The following CCSER1 variants were observed in gnomAD, a reference collection of about 807,000 sequenced individuals.
The protein encoded by CCSER1 is serine-rich coiled-coil domain-containing protein 1.
A neutral mutation model predicts 82.0 loss-of-function variants in CCSER1; 41 were observed. That is an observed-to-expected ratio of 0.50 (90% CI 0.39 to 0.65). The LOEUF (loss-of-function observed/expected upper bound fraction) is 0.65, where lower values mean the gene tolerates loss of function less well. CCSER1 is among the 30% of genes least tolerant of loss of function. The pLI is 0.00. For synonymous variants in CCSER1, 414 were observed against 383.9 expected, an observed-to-expected ratio of 1.08 and a Z score of -0.92; for missense variants, 1,119 against 1,064.2, an observed-to-expected ratio of 1.05 and a Z score of -0.72.
At chr4:91,187,116 G>A (rs1001906975) in intron 10 of CCSER1, among the ~76,000 whole-genome samples, 5 of 152,174 alleles carry the variant, frequency 3.3e-5, no homozygotes, top group African/African-American at 9.7e-5. Flanking sequence ...CCCAGGTGAG[G>A]TGATGCCCCA....
intron 10 of CCSER1, among the ~76,000 whole-genome samples, chr4:91,296,737 A>G (rs898184619): frequency 2.0e-5 from 3 of 151,172 alleles, no homozygotes; most frequent in African/African-American, 7.3e-5. Context: ...TTTCAATTCA[A>G]TGTATTCTAT....
chr4:90,546,300 A>C (rs1246761238), intron 5 of CCSER1, among the ~76,000 whole-genome samples: 1 of 152,158 alleles, frequency 6.6e-6, no homozygotes, highest in Non-Finnish European at 1.5e-5. Flanking sequence ...ACCACAAAGG[A>C]CTGCCAAATT....
Position 91,274,190 on chromosome 4 carries a change from T to A in CCSER1, c.2217+188196T>A, listed in dbSNP as rs1006279906. ...GATGTGATGACTTTTTAATTTTTTT[T>A]ATTTTTATTGATACATACTATTTTT... is the stretch of plus-strand genomic sequence containing the variant. On this transcript the variant is annotated intron_variant, in intron 10 of 10. Transcript: ENST00000509176. 6.6e-5 allele frequency among the ~76,000 whole-genome samples: 10 copies of A among 152,290 alleles called. No homozygotes were observed. In the South Asian group the frequency reaches 1.9e-3, roughly 28 times the overall value.
intron 1 of CCSER1, among the ~76,000 whole-genome samples, chr4:90,203,962 C>T (rs1738267618): frequency 6.6e-6 from 1 of 151,868 alleles, no homozygotes; most frequent in South Asian, 2.1e-4. Flanking sequence ...GCTTTTTTTC[C>T]TATGTTTGTT....
At chr4:91,353,845 A>G (rs879521556) in intron 10 of CCSER1, among the ~76,000 whole-genome samples, 6 of 152,174 alleles carry the variant, frequency 3.9e-5, no homozygotes, top group African/African-American at 7.2e-5. Context: ...AAATCCTCCT[A>G]TTGCTGGGAA....
chr4:91,411,512 A>G (rs1753039939), intron 10 of CCSER1, among the ~76,000 whole-genome samples: 1 of 70,520 alleles, frequency 1.4e-5, no homozygotes, highest in South Asian at 4.0e-4. Context: ...ATATATATAT[A>G]TATATATATA....
At chr4:90,765,461 A>C (rs1751078137) in intron 7 of CCSER1, among the ~76,000 whole-genome samples, 1 of 152,138 alleles carries the variant, frequency 6.6e-6, no homozygotes, top group Non-Finnish European at 1.5e-5. Flanking sequence ...ATTTTACCCA[A>C]AGCTCCCTCC....
In CCSER1 at chr4:90,907,824, A is replaced by G. The variant is rs557712708; in HGVS notation, c.2095-15546A>G. Reference sequence around the variant, plus strand: ...ACCCTTAGTTCAGATTTCATTTCCAATCTTTCCCTACTTAAATTTATATAT... The same window carrying G: ...ACCCTTAGTTCAGATTTCATTTCCAGTCTTTCCCTACTTAAATTTATATAT... On this transcript the variant is annotated intron_variant, in intron 8 of 10. Coordinates refer to ENST00000509176, the MANE Select transcript of CCSER1 (RefSeq NM_001145065.2). Among the ~76,000 whole-genome samples, 13 of 151,998 alleles carry G rather than the reference A, an allele frequency of 8.6e-5. No individual in the cohort carries two copies. The East Asian group carries it at 1.4e-3, about 16-fold the overall frequency.
intron 5 of CCSER1, among the ~76,000 whole-genome samples, chr4:90,607,574 A>G (rs911284952): frequency 4.6e-5 from 7 of 152,086 alleles, no homozygotes; most frequent in African/African-American, 1.4e-4. Flanking sequence ...TAATTTTCAC[A>G]TGGTGTTCTC....
rs191373150 is a variant in CCSER1, at chr4:90,444,934, A to T, written c.1604-23300A>T. Among the ~76,000 whole-genome samples, 288 of 152,182 alleles carry T rather than the reference A, an allele frequency of 1.9e-3. 2 individuals are homozygous for T. Among genetic ancestry groups the T allele is most frequent in the African/African-American group, 6.6e-3 (276 of 41,560 alleles). On this transcript the variant is annotated intron_variant, in intron 4 of 10. Coordinates refer to ENST00000509176, the MANE Select transcript of CCSER1 (RefSeq NM_001145065.2). ...GAACGCATGACATTTATTATATTGG[A>T]ATCTAATATAACAGTTCCAAAATGG...
chr4:90,617,261 TG>T, intron 5 of CCSER1, among the ~76,000 whole-genome samples: 1 of 152,206 alleles, frequency 6.6e-6, no homozygotes, highest in East Asian at 1.9e-4. Context: ...CCTTTCTAAA[TG>T]GGCAGTTATC....
rs147994724 is a variant in CCSER1, at chr4:90,793,989, C to T, written c.2011-21773C>T. ...TTTTTGAGAAGTGTCTGCTCATGTC[C>T]TTTGTACACTTTTTAATGGGGTTGT... is the stretch of plus-strand genomic sequence containing the variant. On this transcript the variant is annotated intron_variant, in intron 7 of 10. Transcript: ENST00000509176. Among the ~76,000 whole-genome samples the T allele has an allele frequency of 4.7e-4, 71 of 152,226 alleles. 1 individual carries two copies. The East Asian group carries it at 0.012, about 25-fold the overall frequency.
At chr4:90,401,831 T>C (rs574761208) in intron 4 of CCSER1, among the ~76,000 whole-genome samples, 1 of 152,208 alleles carries the variant, frequency 6.6e-6, no homozygotes, top group East Asian at 1.9e-4. Context: ...GGCCACCCGA[T>C]TGTAAGGATG....
At chr4:90,328,257 A>G (rs940690832) in intron 3 of CCSER1, among the ~76,000 whole-genome samples, 12 of 152,204 alleles carry the variant, frequency 7.9e-5, no homozygotes, top group Non-Finnish European at 1.8e-4. Flanking sequence ...GAGAATAGCC[A>G]AAACTCTGAA....
chr4:90,915,193 C>T (rs974157676), intron 8 of CCSER1, among the ~76,000 whole-genome samples: 1 of 152,128 alleles, frequency 6.6e-6, no homozygotes, highest in South Asian at 2.1e-4. Flanking sequence ...GATACCAAAG[C>T]CTGGCAGAGA....
At chr4:91,585,894 G>A (rs986653547) in intron 10 of CCSER1, among the ~76,000 whole-genome samples, 1 of 151,604 alleles carries the variant, frequency 6.6e-6, no homozygotes, top group Non-Finnish European at 1.5e-5. Context: ...CAGTAGGAAG[G>A]TATTGAAAGA....
intron 8 of CCSER1, 80 bp from the exon 9 acceptor site, chr4:90,923,290 A>G: frequency 1.0e-6 from 1 of 997,384 alleles, no homozygotes; most frequent in East Asian, 2.6e-5. Context: ...ACACTAATCA[A>G]ATTTTAATAA....
chr4:90,312,573 G>T (rs549849430), intron 2 of CCSER1, among the ~76,000 whole-genome samples: 1 of 152,194 alleles, frequency 6.6e-6, no homozygotes, highest in African/African-American at 2.4e-5. Context: ...GGTCTTAGAA[G>T]GAGAGGTAGA....
At chr4:91,384,483 TAA>T (rs1000284481) in intron 10 of CCSER1, among the ~76,000 whole-genome samples, 44 of 151,900 alleles carry the variant, frequency 2.9e-4, no homozygotes, top group African/African-American at 1.0e-3. Flanking sequence ...TCTTTTTTTT[TAA>T]AAAAATAAAT....
Sources: allele counts gnomAD v4.1 joint callset (sites outside exome capture counted in the v4.1 genomes callset), GRCh38; gene constraint gnomAD v4.1.1; transcripts MANE v1.5; gene names NCBI Gene and HGNC (gene_info 2026-07-23, HGNC 2026-07-21).